Variants in ZNF44 observed in about 807,000 individuals in gnomAD.
ZNF44 encodes the protein gonadotropin inducible transcription repressor-2.
In ZNF44, 9 loss-of-function variants were observed where a neutral mutation model predicts 11.7. That is an observed-to-expected ratio of 0.77 (90% confidence interval 0.46 to 1.35). The LOEUF (loss-of-function observed/expected upper bound fraction) is 1.35. ZNF44 is among the 40% of genes most tolerant of loss of function. The pLI is 0.00. For missense variants in ZNF44, 696 were observed against 743.1 expected (o/e 0.94, Z 0.74); for synonymous variants, 224 against 242.7 (o/e 0.92, Z 0.72).
downstream of ZNF44, among the ~76,000 whole-genome samples, chr19:12,225,600 T>C (rs563050432): frequency 6.6e-6 from 1 of 152,326 alleles, no homozygotes; most frequent in African/African-American, 2.4e-5. Context: ...CGAAATGCTA[T>C]GGTAATTGAG....
At chr19:12,245,763 T>C (rs1229410973), downstream of ZNF44, among the ~76,000 whole-genome samples, 4 of 152,224 alleles carry the variant, frequency 2.6e-5, no homozygotes, top group Non-Finnish European at 5.9e-5. Context: ...ATGTGGGTAA[T>C]GTTGTTAACT....
upstream of ZNF44, among the ~76,000 whole-genome samples, chr19:12,239,456 A>T (rs1916530019): frequency 8.4e-6 from 1 of 119,224 alleles, no homozygotes; most frequent in African/African-American, 3.3e-5. Context: ...GGGTCTCACT[A>T]TGTTGCTGAG....
At chr19:12,287,449 C>T (rs1015170808) in intron 1 of ZNF44, among the ~76,000 whole-genome samples, 8 of 151,958 alleles carry the variant, frequency 5.3e-5, no homozygotes, top group Non-Finnish European at 1.0e-4. Context: ...CTCCTGACCT[C>T]GTGATCCACC....
chr19:12,239,405 CACCTGGCCTTTT>C (rs1916525175), upstream of ZNF44, among the ~76,000 whole-genome samples: 1 of 144,206 alleles, frequency 6.9e-6, no homozygotes, highest in African/African-American at 2.6e-5. Flanking sequence ...TGAGCGACTG[CACCTGGCCTTTT>C]TTTTTTTTTT....
chr19:12,276,073 C>T lies in ZNF44; in HGVS notation c.13G>A (p.Ala5Thr), dbSNP rs758024411. 1.4e-5 allele frequency: 23 copies of T among 1,605,298 alleles called. No individual in the cohort carries two copies. Among genetic ancestry groups the T allele is most frequent in the Non-Finnish European group, 2.0e-5 (23 of 1,174,118 alleles). Residue 5 changes from alanine (A) to threonine (T), a missense_variant, in exon 2 of 4, where the codon GCC becomes ACC. Coordinates refer to ENST00000355684, the MANE Select transcript of ZNF44 (RefSeq NM_016264.4). MDSV[A>T]FEDVAVNFTH... ...AAGTTCACAGCCACATCCTCAAAGGCCACTGAGTCCTGAAACATCCCATAT... is the reference window on the plus strand; with the variant it reads ...AAGTTCACAGCCACATCCTCAAAGGTCACTGAGTCCTGAAACATCCCATAT...
intron 1 of ZNF44, among the ~76,000 whole-genome samples, chr19:12,294,435 G>A (rs1006844211): frequency 4.6e-5 from 7 of 152,262 alleles, no homozygotes; most frequent in Non-Finnish European, 1.0e-4. Flanking sequence ...GGCTGAGGGC[G>A]CGGAGCTGCC....
chr19:12,286,284 G>A (rs1442194457), intron 1 of ZNF44, among the ~76,000 whole-genome samples: 3 of 151,934 alleles, frequency 2.0e-5, no homozygotes, highest in South Asian at 2.1e-4. Flanking sequence ...ATTTTAACAG[G>A]TTGCTCTGAT....
In ZNF44 at chr19:12,292,996, T is replaced by G. The variant is rs575944861; in HGVS notation, c.3+1696A>C. ...GTGATTCTCCTGCCTCAGCCTCCCA[T>G]GTAGCTGGGATTACAGGCACCTGCC... On this transcript the variant is annotated intron_variant, in intron 1 of 3. Transcript: ENST00000355684. Among the ~76,000 whole-genome samples, 13 of 151,024 alleles carry G rather than the reference T, an allele frequency of 8.6e-5. No homozygotes were observed. In the East Asian group the frequency reaches 2.6e-3, roughly 30 times the overall value.
chr19:12,266,229 C>T (rs1917722015), intron 5 of ZNF44: 2 of 984,930 alleles, frequency 2.0e-6, no homozygotes, highest in South Asian at 4.7e-5. Context: ...CCGGTCCCAG[C>T]CAGCCCCTCC....
chr19:12,272,439 G>A lies in ZNF44; in HGVS notation c.1816C>T (p.His606Tyr). 1 of 1,569,162 alleles carries A rather than the reference G, an allele frequency of 6.4e-7. No homozygotes were observed. The highest frequency in any genetic ancestry group is 8.6e-7 in the Non-Finnish European group (1 of 1,162,284). The change falls in exon 4 of 4, where the codon CAT becomes TAT. Residue 606 changes from histidine (H) to tyrosine (Y), a missense_variant. Physicochemically the swap from His to Tyr is moderately conservative, Grantham distance 83 (BLOSUM62 2). Coordinates refer to ENST00000355684, the MANE Select transcript of ZNF44 (RefSeq NM_016264.4). Reference protein sequence around the residue: ...AFSSLSSFNRHKRTHWKDIL With the variant: ...AFSSLSSFNRYKRTHWKDIL The stretch of plus-strand genomic sequence containing the variant: ...ATATCCTTCCAGTGTGTCCTTTTAT[G>A]TCTATTAAAGGAACTGAGAGAACTG...
intron 1 of ZNF44, among the ~76,000 whole-genome samples, chr19:12,282,874 T>C (rs1190839394): frequency 6.6e-6 from 1 of 152,234 alleles, no homozygotes; most frequent in East Asian, 1.9e-4. Flanking sequence ...TTCTGAATCA[T>C]GTTTTGCTGA....
chr19:12,273,378 A>G lies in ZNF44; in HGVS notation c.877T>C (p.Ser293Pro), dbSNP rs1967058617. The G allele has an allele frequency of 6.2e-7, 1 of 1,613,452 alleles. No individual in the cohort carries two copies. The highest frequency in any genetic ancestry group is 8.5e-7 in the Non-Finnish European group (1 of 1,179,862). Residue 293 changes from serine (S) to proline (P), a missense_variant, in exon 4 of 4, where the codon TCC (serine) becomes CCC (proline). Transcript: ENST00000355684. ...CKQCGKAFSV[S>P]GSLRVHERIH... ...CTTTCATGTACTCGAAGGGAACCGGAAACACTGAAGGCTTTCCCACATTGT... is the reference window on the plus strand; with the variant it reads ...CTTTCATGTACTCGAAGGGAACCGGGAACACTGAAGGCTTTCCCACATTGT...
At chr19:12,288,470 A>G (rs372587632) in intron 1 of ZNF44, among the ~76,000 whole-genome samples, 1 of 152,114 alleles carries the variant, frequency 6.6e-6, no homozygotes, top group African/African-American at 2.4e-5. Context: ...GAGGCCAGGC[A>G]CAGTGGCTCA....
intron 3 of ZNF44, among the ~76,000 whole-genome samples, 182 bp from the exon 4 acceptor site, chr19:12,274,245 T>C (rs1967113426): frequency 6.6e-6 from 1 of 151,724 alleles, no homozygotes; most frequent in Admixed American, 6.6e-5. Context: ...GACAATGATA[T>C]GCACATGGGG....
intron 5 of ZNF44, among the ~76,000 whole-genome samples, chr19:12,259,581 C>T (rs1249639198): frequency 1.3e-5 from 2 of 151,930 alleles, no homozygotes; most frequent in Non-Finnish European, 2.9e-5. Flanking sequence ...TTTTTGGTTA[C>T]TGGATGTACT....
exon 4 of ZNF44, chr19:12,226,204 T>TGGAACTTTG (rs895344131): frequency 1.3e-5 from 2 of 152,320 alleles, no homozygotes; most frequent in African/African-American, 4.8e-5. Context: ...TTGGCTTTGA[T>TGGAACTTTG]GGAACTTTGT....
intron 7 of ZNF44, among the ~76,000 whole-genome samples, chr19:12,249,713 C>T (rs999502343): frequency 3.3e-5 from 5 of 151,838 alleles, no homozygotes; most frequent in African/African-American, 9.7e-5. Flanking sequence ...CCACCATGCC[C>T]GGCTAATTTT....
intron 1 of ZNF44, among the ~76,000 whole-genome samples, chr19:12,281,433 G>A (rs1967472838): frequency 6.6e-6 from 1 of 152,180 alleles, no homozygotes; most frequent in African/African-American, 2.4e-5. Context: ...TAAAGGCAGT[G>A]CTTTGAGGGA....
At chr19:12,260,480 C>A in intron 5 of ZNF44, 1 of 1,317,780 alleles carries the variant, frequency 7.6e-7, no homozygotes, top group Non-Finnish European at 1.1e-6. Flanking sequence ...CCATCCTGTG[C>A]AGCCAGAAGC....
Sources: gnomAD v4.1 joint callset for allele counts (sites outside exome capture counted in the v4.1 genomes callset) on GRCh38, gnomAD v4.1.1 for gene constraint, MANE v1.5 for transcripts, NCBI Gene and HGNC (gene_info 2026-07-23, HGNC 2026-07-21) for gene names.